ITCH: variants seen among roughly 807,000 people sequenced by gnomAD.
The protein encoded by ITCH is itchy E3 ubiquitin protein ligase, also known as E3 ubiquitin-protein ligase Itchy homolog.
ITCH carries 28 observed loss-of-function variants against 126.8 expected under a neutral mutation model. The ratio of observed to expected loss-of-function variants is 0.22; its 90% CI spans 0.16 to 0.30. The LOEUF is 0.30. Ranked by LOEUF, ITCH falls within the 10% of genes least tolerant of loss-of-function variation. The pLI is 1.00. For synonymous variants in ITCH, 342 were observed against 340.0 expected (o/e 1.01, Z -0.06); for missense variants, 631 against 1,032.4 (o/e 0.61, Z 5.33).
chr20:34,462,199 C>A lies in ITCH; in HGVS notation c.1402C>A (p.Pro468Thr). 6.2e-7 allele frequency: 1 copy of A among 1,613,780 alleles called. No individual in the cohort carries two copies. The highest frequency in any genetic ancestry group is 8.5e-7 in the Non-Finnish European group (1 of 1,179,794). ...HNRRTTTYID[P>T]RTGKSALDNG... ...TAGAAGAACTACCACCTATATAGATCCCCGCACAGGAAAATCTGCCCTGTA... is the reference window on the plus strand; with the variant it reads ...TAGAAGAACTACCACCTATATAGATACCCGCACAGGAAAATCTGCCCTGTA... The change falls in exon 14 of 25, where the codon CCC becomes ACC. Residue 468 changes from proline to threonine, a missense_variant. Coordinates refer to ENST00000374864, the MANE Select transcript of ITCH (RefSeq NM_031483.7).
chr20:34,471,568 G>A lies in ITCH; in HGVS notation c.1569+53G>A, dbSNP rs902108478. 65 of 1,059,188 alleles carry A rather than the reference G, an allele frequency of 6.1e-5. 3 individuals are homozygous for A. In the Middle Eastern group the frequency reaches 8.0e-4, roughly 13 times the overall value. 65.6% of individuals were successfully genotyped at this position (1,059,188 alleles called of 1,614,324 possible). On this transcript the variant is annotated intron_variant, in intron 16 of 24. Transcript: ENST00000374864. ...CCCCCTGGCTGCTAGCTTAGGACCC[G>A]CTTTTGGTGCTGTCAGTTTAATCTG...
chr20:34,474,705 T>C (rs528660310), intron 16 of ITCH, among the ~76,000 whole-genome samples: 1 of 151,826 alleles, frequency 6.6e-6, no homozygotes, highest in African/African-American at 2.4e-5. Context: ...GGTGGTGGCC[T>C]GGCAGAGGGG....
intron 4 of ITCH, among the ~76,000 whole-genome samples, chr20:34,412,150 A>G (rs1208667706): frequency 6.6e-6 from 1 of 152,208 alleles, no homozygotes; most frequent in Non-Finnish European, 1.5e-5. Flanking sequence ...TATAAAGATA[A>G]AATAACTTCA....
At chr20:34,409,016 GTTGGTGATGATATTGCTC>G (rs1374283156) in intron 4 of ITCH, among the ~76,000 whole-genome samples, 4 of 148,826 alleles carry the variant, frequency 2.7e-5, no homozygotes, top group Non-Finnish European at 5.9e-5. Flanking sequence ...CTCTAGTTTA[GTTGGTGATGATATTGCTC>G]TTGTCACTGA....
chr20:34,440,192 T>C lies in ITCH; in HGVS notation c.717T>C (p.Ser239=). ...GTTCACCATCTGCCACTTCTGAAAGTGATGGGTCTAGTACAGGCTCTCTGC... is the reference window on the plus strand; with the variant it reads ...GTTCACCATCTGCCACTTCTGAAAGCGATGGGTCTAGTACAGGCTCTCTGC... ...VNGSPSATSE[S]DGSSTGSLPP... The change falls in exon 9 of 25, where the codon AGT becomes AGC. Residue 239 remains serine, a synonymous_variant. Coordinates refer to ENST00000374864, the MANE Select transcript of ITCH (RefSeq NM_031483.7). 1 of 1,613,852 alleles carries C rather than the reference T, an allele frequency of 6.2e-7. No homozygotes were observed. The highest frequency in any genetic ancestry group is 8.5e-7 in the Non-Finnish European group (1 of 1,179,730).
At chr20:34,480,991 G>A (rs1988693134) in intron 19 of ITCH, 75 bp from the exon 20 acceptor site, 1 of 1,397,880 alleles carries the variant, frequency 7.2e-7, no homozygotes, top group Non-Finnish European at 1.0e-6. Context: ...TAAGAACATG[G>A]GCCTTTCGTT....
At chr20:34,504,235 A>T (rs1990476743) in intron 23 of ITCH, 96 bp from the exon 24 acceptor site, 2 of 921,062 alleles carry the variant, frequency 2.2e-6, no homozygotes, top group Non-Finnish European at 1.8e-6. Flanking sequence ...TATGGTTCTA[A>T]CAAGTTCCCT....
intron 12 of ITCH, among the ~76,000 whole-genome samples, chr20:34,453,265 A>C (rs1335309068): frequency 1.3e-5 from 2 of 152,218 alleles, no homozygotes; most frequent in Non-Finnish European, 2.9e-5. Flanking sequence ...CTCTTGCCTC[A>C]TGTTATCTTC....
intron 8 of ITCH, among the ~76,000 whole-genome samples, chr20:34,439,106 C>T (rs1983409066): frequency 6.6e-6 from 1 of 152,070 alleles, no homozygotes; most frequent in African/African-American, 2.4e-5. Context: ...TAAGACTATC[C>T]ACTTCTCTGA....
chr20:34,412,680 G>C (rs781067919), intron 5 of ITCH, 41 bp downstream of exon 5: 2 of 1,551,452 alleles, frequency 1.3e-6, no homozygotes, highest in East Asian at 4.5e-5. Context: ...TTAGCTGTTT[G>C]TTTTTCTGGA....
intron 3 of ITCH, 72 bp downstream of exon 3, chr20:34,393,953 C>G: frequency 7.1e-7 from 1 of 1,399,414 alleles, no homozygotes; most frequent in Non-Finnish European, 1.0e-6. Flanking sequence ...CTGAGAGGGC[C>G]AGGCATGGTG....
chr20:34,366,410 G>C (rs1480431866), intron 1 of ITCH, among the ~76,000 whole-genome samples: 2 of 152,046 alleles, frequency 1.3e-5, no homozygotes, highest in Admixed American at 6.6e-5. Context: ...TTTTTTTGTA[G>C]AGAAAGGTTC....
chr20:34,421,984 C>G (rs927157845), intron 6 of ITCH, among the ~76,000 whole-genome samples: 1 of 152,102 alleles, frequency 6.6e-6, no homozygotes, highest in Non-Finnish European at 1.5e-5. Flanking sequence ...CCACTGTACT[C>G]CAGCCTGGAC....
chr20:34,505,790 G>A (rs1454495880), intron 24 of ITCH, among the ~76,000 whole-genome samples: 1 of 151,990 alleles, frequency 6.6e-6, no homozygotes, highest in Non-Finnish European at 1.5e-5. Context: ...TCCTGACCTC[G>A]TGATCCACCC....
chr20:34,432,271 GT>G (rs1982410012), intron 7 of ITCH, among the ~76,000 whole-genome samples: 1 of 151,910 alleles, frequency 6.6e-6, no homozygotes, highest in African/African-American at 2.4e-5. Flanking sequence ...AATATGAATA[GT>G]TAATTCATTG....
chr20:34,451,784 C>T (rs1317158445), intron 12 of ITCH, among the ~76,000 whole-genome samples: 5 of 151,756 alleles, frequency 3.3e-5, no homozygotes, highest in Admixed American at 6.6e-5. Flanking sequence ...AATTTTATTG[C>T]AGGCCAGGCA....
rs552167307 is a variant in ITCH at position 34,481,605 on chromosome 20, C to T, written c.2093+399C>T. Among the ~76,000 whole-genome samples, 164 of 152,186 alleles carry T rather than the reference C, an allele frequency of 1.1e-3. 5 individuals are homozygous for T. The South Asian group carries it at 0.022, about 20-fold the overall frequency. On this transcript the variant is annotated intron_variant, in intron 20 of 24. Transcript: ENST00000374864. ...GAGGTTTAATGGACTTACAGTTCCA[C>T]GAGGGTGGGGAGGCCTCACCCTCAT...
At chr20:34,461,291 C>G (rs117589235) in intron 13 of ITCH, among the ~76,000 whole-genome samples, 1 of 152,130 alleles carries the variant, frequency 6.6e-6, no homozygotes, top group Non-Finnish European at 1.5e-5. Context: ...AGTGATAGTA[C>G]TTTACAGAGA....
chr20:34,438,695 A>G, intron 8 of ITCH, 64 bp downstream of exon 8: 4 of 1,554,330 alleles, frequency 2.6e-6, no homozygotes, highest in Non-Finnish European at 3.5e-6. Flanking sequence ...ATCCTCAGGT[A>G]AGTGTCAGGA....
Sources: allele counts gnomAD v4.1 joint callset (sites outside exome capture counted in the v4.1 genomes callset), GRCh38; gene constraint gnomAD v4.1.1; transcripts MANE v1.5; gene names NCBI Gene and HGNC (gene_info 2026-07-23, HGNC 2026-07-21).